The following LINGO1 variants were observed in gnomAD, a reference collection of about 807,000 sequenced individuals.
LINGO1 encodes leucine rich repeat and Ig domain containing 1.
Under a neutral mutation model 37.3 loss-of-function variants are expected in LINGO1, and 11 were observed. The observed-to-expected ratio is 0.29, with a 90% confidence interval of 0.19 to 0.49. LINGO1 has a LOEUF of 0.49. Ranked by LOEUF, LINGO1 falls within the 20% of genes least tolerant of loss-of-function variation. The pLI is 0.99. For missense variants in LINGO1, 585 were observed against 878.2 expected (o/e 0.67, Z 4.22); for synonymous variants, 387 against 403.0 (o/e 0.96, Z 0.48).
At position 77,615,589 on chromosome 15, in the gene LINGO1, G is replaced by A. The variant is rs757183151; in HGVS notation, c.318C>T (p.Ile106=). 49 of 1,611,386 alleles carry A rather than the reference G, an allele frequency of 3.0e-5. No individual in the cohort carries two copies. Among genetic ancestry groups the A allele is most frequent in the Non-Finnish European group, 2.5e-5 (30 of 1,178,804 alleles). Residue 106 remains isoleucine, a synonymous_variant, in exon 2 of 2, where the codon ATC becomes ATT. Transcript: ENST00000355300. ...AGGCGCCGGGCTCCACGGCGCTCACGATGTTCTCGTTGAGCTCCAGCTCCT... is the reference window on the plus strand; with the variant it reads ...AGGCGCCGGGCTCCACGGCGCTCACAATGTTCTCGTTGAGCTCCAGCTCCT... ...HLEELELNEN[I]VSAVEPGAFN...
At chr15:77,676,314 A>G (rs964558660) in intron 3 of LINGO1, among the ~76,000 whole-genome samples, 2 of 152,268 alleles carry the variant, frequency 1.3e-5, no homozygotes, top group Non-Finnish European at 2.9e-5. Context: ...TAGCCCCCCA[A>G]CTTGGGTTGC....
intron 1 of LINGO1, among the ~76,000 whole-genome samples, chr15:77,813,883 G>A (rs1026829946): frequency 2.0e-5 from 3 of 152,184 alleles, no homozygotes; most frequent in South Asian, 2.1e-4. Flanking sequence ...AGGGCCCAGC[G>A]CCCTCCCCAC....
chr15:77,756,914 C>T (rs1035207382), intron 1 of LINGO1, among the ~76,000 whole-genome samples: 14 of 152,226 alleles, frequency 9.2e-5, no homozygotes, highest in Non-Finnish European at 1.9e-4. Context: ...ACACACTCAT[C>T]CCTCAGGGAC....
chr15:77,776,636 T>G (rs762996243), intron 1 of LINGO1, among the ~76,000 whole-genome samples: 1 of 152,034 alleles, frequency 6.6e-6, no homozygotes, highest in Non-Finnish European at 1.5e-5. Flanking sequence ...ATGTCCTCCA[T>G]GGCTGTGCAG....
chr15:77,760,932 TTTTTTTTTTTTG>T (rs757373431), intron 1 of LINGO1, among the ~76,000 whole-genome samples: 28,069 of 115,060 alleles, frequency 0.24, 2,787 homozygotes, highest in Admixed American at 0.36. Flanking sequence ...TTTTTTTTTT[TTTTTTTTTTTTG>T]GAGACAAGGT....
chr15:77,648,251 C>T (rs1048675789), intron 3 of LINGO1: 2 of 242,740 alleles, frequency 8.2e-6, no homozygotes, highest in African/African-American at 4.6e-5. Flanking sequence ...CTGTGCTAGA[C>T]ACTTCACATG....
intron 1 of LINGO1, among the ~76,000 whole-genome samples, chr15:77,776,526 A>AAGGCAGGAAAGCAGGAAGGC (rs1344764444): frequency 5.6e-5 from 2 of 35,754 alleles, no homozygotes; most frequent in African/African-American, 2.0e-4. Flanking sequence ...GGAAGGGAGG[A>AAGGCAGGAAAGCAGGAAGGC]AGGGAGGGAG....
intron 1 of LINGO1, among the ~76,000 whole-genome samples, chr15:77,626,703 T>C (rs1189711801): frequency 6.6e-6 from 1 of 152,132 alleles, no homozygotes; most frequent in Non-Finnish European, 1.5e-5. Context: ...CCAAGACCCA[T>C]GGGTGGGCTC....
At chr15:77,662,825 T>A (rs889822141) in intron 3 of LINGO1, among the ~76,000 whole-genome samples, 4 of 152,194 alleles carry the variant, frequency 2.6e-5, no homozygotes. Context: ...CACATGTGTA[T>A]ACCAACAGAT....
At chr15:77,739,814 A>G (rs1250355464) in intron 1 of LINGO1, among the ~76,000 whole-genome samples, 2 of 152,256 alleles carry the variant, frequency 1.3e-5, no homozygotes, top group African/African-American at 2.4e-5. Context: ...AAGGGAGCAC[A>G]GCGGTGGCTG....
intron 2 of LINGO1, among the ~76,000 whole-genome samples, chr15:77,704,382 A>C (rs1382971500): frequency 1.3e-5 from 2 of 150,830 alleles, no homozygotes; most frequent in African/African-American, 4.9e-5. Context: ...CACATACTGA[A>C]CCCCGACCCT....
chr15:77,753,754 T>A (rs144430701), intron 1 of LINGO1, among the ~76,000 whole-genome samples: 1 of 152,196 alleles, frequency 6.6e-6, no homozygotes, highest in Non-Finnish European at 1.5e-5. Flanking sequence ...ACACACCAAG[T>A]GTGCACACAC....
At chr15:77,782,596 C>T (rs533781110) in intron 1 of LINGO1, among the ~76,000 whole-genome samples, 3 of 152,132 alleles carry the variant, frequency 2.0e-5, no homozygotes, top group South Asian at 2.1e-4. Flanking sequence ...CCTCCACCTG[C>T]GCCATATTCC....
intron 3 of LINGO1, among the ~76,000 whole-genome samples, chr15:77,674,230 G>T (rs2075294053): frequency 6.6e-6 from 1 of 151,942 alleles, no homozygotes; most frequent in Middle Eastern, 3.2e-3. Flanking sequence ...GCTCTACCTT[G>T]AGCATACATG....
chr15:77,724,940 G>A (rs558021446), intron 2 of LINGO1, among the ~76,000 whole-genome samples: 2 of 152,326 alleles, frequency 1.3e-5, no homozygotes, highest in South Asian at 2.1e-4. Context: ...GTGTGGACCC[G>A]GCCACCGCCC....
chr15:77,704,651 G>A (rs1178382483), intron 2 of LINGO1, among the ~76,000 whole-genome samples: 2 of 151,092 alleles, frequency 1.3e-5, no homozygotes, highest in Admixed American at 1.3e-4. Flanking sequence ...ACTGGGCCCT[G>A]ACCCTGGTCA....
At chr15:77,628,049 C>T (rs1049330684) in intron 1 of LINGO1, among the ~76,000 whole-genome samples, 3 of 152,124 alleles carry the variant, frequency 2.0e-5, no homozygotes, top group Admixed American at 1.3e-4. Context: ...AAATCAAGGC[C>T]CCTGACAATA....
intron 2 of LINGO1, among the ~76,000 whole-genome samples, chr15:77,702,822 TG>T (rs2075802164): frequency 6.6e-6 from 1 of 152,236 alleles, no homozygotes; most frequent in Non-Finnish European, 1.5e-5. Flanking sequence ...TTCAGCGGCA[TG>T]GCTGTGTTCT....
At chr15:77,764,661 G>A (rs1272821876) in intron 1 of LINGO1, among the ~76,000 whole-genome samples, 1 of 152,164 alleles carries the variant, frequency 6.6e-6, no homozygotes, top group African/African-American at 2.4e-5. Flanking sequence ...CAGCTAAAAA[G>A]CCAGAGAGTG....
Sources: gnomAD v4.1 joint callset for allele counts (sites outside exome capture counted in the v4.1 genomes callset) on GRCh38, gnomAD v4.1.1 for gene constraint, MANE v1.5 for transcripts, NCBI Gene and HGNC (gene_info 2026-07-23, HGNC 2026-07-21) for gene names.